The following KCTD16 variants were observed in gnomAD, a reference collection of about 807,000 sequenced individuals.
KCTD16 encodes the protein potassium channel tetramerization domain containing 16, also known as BTB/POZ domain-containing protein KCTD16.
In KCTD16, 13 loss-of-function variants were observed where a neutral mutation model predicts 33.2. The observed-to-expected ratio is 0.39, with a 90% CI of 0.25 to 0.62. The LOEUF is 0.62. KCTD16 is among the 20% of genes least tolerant of loss of function. The pLI is 0.50. For synonymous variants in KCTD16, 197 were observed against 195.3 expected (o/e 1.01, Z -0.07); for missense variants, 441 against 525.1 (o/e 0.84, Z 1.57).
intron 3 of KCTD16, among the ~76,000 whole-genome samples, chr5:144,412,800 C>A (rs183956049): frequency 3.9e-5 from 6 of 152,176 alleles, no homozygotes; most frequent in African/African-American, 1.2e-4. Flanking sequence ...GCACGAGAGT[C>A]GCTTGAACCT....
intron 3 of KCTD16, among the ~76,000 whole-genome samples, chr5:144,433,862 TG>T (rs1753520563): frequency 6.6e-6 from 1 of 152,202 alleles, no homozygotes; most frequent in Admixed American, 6.6e-5. Context: ...ATACATCTTT[TG>T]TTGTTGTTAT....
At chr5:144,306,671 AC>A (rs1242340726) in intron 3 of KCTD16, among the ~76,000 whole-genome samples, 1 of 152,132 alleles carries the variant, frequency 6.6e-6, no homozygotes, top group African/African-American at 2.4e-5. Flanking sequence ...GGCTCTGAAG[AC>A]CTAAGACCTA....
chr5:144,307,935 G>A (rs1290947516), intron 3 of KCTD16, among the ~76,000 whole-genome samples: 2 of 152,196 alleles, frequency 1.3e-5, no homozygotes, highest in East Asian at 1.9e-4. Context: ...CTGAACAAAG[G>A]TGATGTGTTG....
At chr5:144,201,301 C>T (rs1349640806) in intron 2 of KCTD16, among the ~76,000 whole-genome samples, 1 of 152,104 alleles carries the variant, frequency 6.6e-6, no homozygotes, top group Non-Finnish European at 1.5e-5. Flanking sequence ...TTTCAGTTCC[C>T]CACTCTGCCA....
chr5:144,178,621 T>C (rs73792180), intron 2 of KCTD16, among the ~76,000 whole-genome samples: 143 of 152,290 alleles, frequency 9.4e-4, no homozygotes, highest in Middle Eastern at 3.4e-3. Context: ...TCCCCTGCTG[T>C]CTGTGATAAT....
At chr5:144,381,648 T>G (rs1594054) in intron 3 of KCTD16, among the ~76,000 whole-genome samples, 80,932 of 151,988 alleles carry the variant, frequency 0.53, 22,544 homozygotes, top group East Asian at 0.78. Flanking sequence ...TCGTGTGAAC[T>G]CAGAGCAGGA....
At chr5:144,299,263 T>A (rs1246520635) in intron 3 of KCTD16, among the ~76,000 whole-genome samples, 1 of 149,654 alleles carries the variant, frequency 6.7e-6, no homozygotes, top group African/African-American at 2.4e-5. Context: ...TTTCAACCTT[T>A]TCCTCAAAAA....
intron 3 of KCTD16, among the ~76,000 whole-genome samples, chr5:144,437,842 A>G (rs1330251544): frequency 6.6e-6 from 1 of 152,184 alleles, no homozygotes; most frequent in Admixed American, 6.5e-5. Flanking sequence ...AGGACTCAAG[A>G]GAAGGCAGAC....
At chr5:144,390,989 C>CAACCA in intron 3 of KCTD16, among the ~76,000 whole-genome samples, 1 of 152,040 alleles carries the variant, frequency 6.6e-6, no homozygotes, top group Non-Finnish European at 1.5e-5. Context: ...GTGGTTGGTG[C>CAACCA]CTTTATGAGT....
intron 3 of KCTD16, among the ~76,000 whole-genome samples, chr5:144,263,321 A>T (rs1709303822): frequency 6.6e-6 from 1 of 152,188 alleles, no homozygotes; most frequent in Non-Finnish European, 1.5e-5. Flanking sequence ...CATTTTCGTA[A>T]CTAAATTCTC....
At chr5:144,213,083 C>T (rs2126795745) in intron 3 of KCTD16, among the ~76,000 whole-genome samples, 1 of 152,172 alleles carries the variant, frequency 6.6e-6, no homozygotes, top group Admixed American at 6.5e-5. Flanking sequence ...ACCATTATAA[C>T]ATACAAAATT....
rs576721438 is a variant in KCTD16 at position 144,400,984 on chromosome 5, T to C, written c.833-72676T>C. 7.2e-5 allele frequency among the ~76,000 whole-genome samples: 11 copies of C among 152,130 alleles called. 1 individual carries two copies. The East Asian group carries it at 1.4e-3, about 19-fold the overall frequency. Reference sequence around the variant, plus strand: ...GGGAATAGAGAAAAGGCCAGGGCAATTGGGGCAAAATCAGTAGCGGGCCAA... The same window carrying C: ...GGGAATAGAGAAAAGGCCAGGGCAACTGGGGCAAAATCAGTAGCGGGCCAA... On this transcript the variant is annotated intron_variant, in intron 3 of 3. Transcript: ENST00000512467.
intron 3 of KCTD16, among the ~76,000 whole-genome samples, chr5:144,372,416 A>G (rs571416532): frequency 6.6e-6 from 1 of 152,336 alleles, no homozygotes; most frequent in South Asian, 2.1e-4. Context: ...GAGGATGCAA[A>G]CATACACGGA....
intron 3 of KCTD16, among the ~76,000 whole-genome samples, chr5:144,211,222 T>G (rs1753380984): frequency 6.6e-6 from 1 of 152,182 alleles, no homozygotes; most frequent in Non-Finnish European, 1.5e-5. Context: ...AATATATGCT[T>G]TGGCCACTGT....
At chr5:144,301,037 T>A (rs1433418686) in intron 3 of KCTD16, among the ~76,000 whole-genome samples, 1 of 151,898 alleles carries the variant, frequency 6.6e-6, no homozygotes, top group Non-Finnish European at 1.5e-5. Flanking sequence ...GATCAAGAGA[T>A]CGAGACCATC....
At chr5:144,376,474 T>C (rs1752096224) in intron 3 of KCTD16, among the ~76,000 whole-genome samples, 1 of 152,188 alleles carries the variant, frequency 6.6e-6, no homozygotes, top group East Asian at 1.9e-4. Flanking sequence ...ATTCCAGGTA[T>C]GAGTCTGGAC....
At chr5:144,370,373 A>G (rs1751941364) in intron 3 of KCTD16, among the ~76,000 whole-genome samples, 1 of 152,218 alleles carries the variant, frequency 6.6e-6, no homozygotes, top group African/African-American at 2.4e-5. Flanking sequence ...CTGTTGGCCT[A>G]AAAGAGTGAC....
At chr5:144,466,069 C>A (rs1754324498) in intron 3 of KCTD16, among the ~76,000 whole-genome samples, 1 of 152,058 alleles carries the variant, frequency 6.6e-6, no homozygotes, top group South Asian at 2.1e-4. Flanking sequence ...GAACTCCTGA[C>A]CTCAGGTGAT....
intron 3 of KCTD16, among the ~76,000 whole-genome samples, chr5:144,409,121 A>G (rs542154661): frequency 2.0e-5 from 3 of 152,348 alleles, no homozygotes; most frequent in South Asian, 4.1e-4. Context: ...AAATGGTTGA[A>G]TGAACTGGAA....
Sources: allele counts gnomAD v4.1 joint callset (sites outside exome capture counted in the v4.1 genomes callset), GRCh38; gene constraint gnomAD v4.1.1; transcripts MANE v1.5; gene names NCBI Gene and HGNC (gene_info 2026-07-23, HGNC 2026-07-21).